The following ANK2 variants were observed in gnomAD, a reference collection of about 807,000 sequenced individuals.
The protein encoded by ANK2 is ankyrin-2.
ANK2 carries 83 observed loss-of-function variants against 360.5 expected under a neutral mutation model. The ratio of observed to expected loss-of-function variants is 0.23; its 90% CI spans 0.19 to 0.28. ANK2 has a LOEUF of 0.28. Among genes scored for constraint, ANK2 ranks in the 10% least tolerant of loss-of-function variants. ANK2 has a pLI of 1.00. For missense variants in ANK2, 4,201 were observed against 4,795.7 expected, an observed-to-expected ratio of 0.88 and a Z score of 3.66; for synonymous variants, 1,740 against 1,759.5, an observed-to-expected ratio of 0.99 and a Z score of 0.28.
intron 22 of ANK2, among the ~76,000 whole-genome samples, chr4:113,300,056 TATA>T (rs1362355415): frequency 2.0e-5 from 3 of 152,170 alleles, no homozygotes; most frequent in South Asian, 2.1e-4. Context: ...AATTAAAATT[TATA>T]ATATTAAAAT....
intron 11 of ANK2, among the ~76,000 whole-genome samples, chr4:113,256,941 A>G (rs2049744605): frequency 6.6e-6 from 1 of 152,260 alleles, no homozygotes; most frequent in South Asian, 2.1e-4. Flanking sequence ...AGCTTATAAA[A>G]TATCACAGCC....
At chr4:113,223,249 T>C (rs1341208792) in intron 4 of ANK2, among the ~76,000 whole-genome samples, 2 of 152,218 alleles carry the variant, frequency 1.3e-5, no homozygotes, top group Admixed American at 6.5e-5. Context: ...CTGGAGTCTG[T>C]GAACATCCTC....
intron 5 of ANK2, among the ~76,000 whole-genome samples, chr4:113,234,219 G>C (rs1328127889): frequency 6.6e-6 from 1 of 152,016 alleles, no homozygotes. Context: ...TTCCCATTTG[G>C]TTCCAAAAAT....
chr4:113,089,826 G>A (rs1232265732), intron 1 of ANK2, among the ~76,000 whole-genome samples: 1 of 139,358 alleles, frequency 7.2e-6, no homozygotes, highest in African/African-American at 2.8e-5. Flanking sequence ...CTCTGTCTCA[G>A]AAAAAATTAA....
Position 113,369,549 on chromosome 4 carries a change from A to G in ANK2, c.11354A>G (p.Gln3785Arg), listed in dbSNP as rs150808807. The G allele has an allele frequency of 5.5e-5, 89 of 1,614,050 alleles. 4 individuals carry two copies. The highest frequency in any genetic ancestry group is 3.3e-4 in the East Asian group (15 of 44,896). Residue 3785 changes from glutamine (Q) to arginine (R), a missense_variant, in exon 43 of 46, where the codon CAG becomes CGG. By Grantham distance (43) the Gln-to-Arg change is conservative. This residue lies in a region of ANK2 where 2,642 missense variants were observed against 2,714.5 expected (regional missense o/e 0.97). Coordinates refer to ENST00000357077, the MANE Select transcript of ANK2 (RefSeq NM_001148.6). ...TTPGTETSET[Q>R]KAMIVPSSPS... Reference sequence around the variant, plus strand: ...CCAGGAACAGAAACATCAGAGACTCAGAAGGCTATGATAGTACCCAGCTCT... The same window carrying G: ...CCAGGAACAGAAACATCAGAGACTCGGAAGGCTATGATAGTACCCAGCTCT...
chr4:113,296,823 A>T (rs1175566546), intron 22 of ANK2, among the ~76,000 whole-genome samples: 1 of 152,216 alleles, frequency 6.6e-6, no homozygotes, highest in Non-Finnish European at 1.5e-5. Flanking sequence ...AAGAACTGTG[A>T]CATATGACTC....
At chr4:113,288,340 G>T in intron 19 of ANK2, 48 bp from the exon 20 acceptor site, 1 of 1,484,276 alleles carries the variant, frequency 6.7e-7, no homozygotes, top group Non-Finnish European at 9.4e-7. Flanking sequence ...CACTAGAGTA[G>T]TAAAGTTTCT....
At chr4:113,182,559 G>T (rs1285780666) in intron 2 of ANK2, among the ~76,000 whole-genome samples, 1 of 152,204 alleles carries the variant, frequency 6.6e-6, no homozygotes, top group East Asian at 1.9e-4. Context: ...GAATGGGAAA[G>T]AGTGTCCAGG....
chr4:113,094,221 C>A (rs1179513339), intron 1 of ANK2, among the ~76,000 whole-genome samples: 4 of 151,784 alleles, frequency 2.6e-5, no homozygotes, highest in Non-Finnish European at 4.4e-5. Context: ...AAATCATATC[C>A]CATTGAAGTG....
chr4:113,108,526 T>C (rs1343729513), intron 1 of ANK2, among the ~76,000 whole-genome samples: 1 of 152,172 alleles, frequency 6.6e-6, no homozygotes, highest in Non-Finnish European at 1.5e-5. Context: ...GGGAGAAGAA[T>C]GTACACATAT....
rs368036068 is a variant in ANK2 at position 113,354,444 on chromosome 4, C to T, written c.5826C>T (p.Ser1942=). Residue 1942 remains serine (S), a synonymous_variant, in exon 38 of 46, where the codon TCC becomes TCT. Coordinates refer to ENST00000357077, the MANE Select transcript of ANK2 (RefSeq NM_001148.6). The stretch of plus-strand genomic sequence containing the variant: ...AAAAACGCTTGCCTGTTTCACCCTC[C>T]GGAAGAACGGACAAGCACCAACCTG... ...RTEKRLPVSP[S]GRTDKHQPVS... is the part of the protein sequence containing the mutation. 3.4e-5 allele frequency: 55 copies of T among 1,613,928 alleles called. No homozygotes were observed. Among genetic ancestry groups the T allele is most frequent in the South Asian group, 9.9e-5 (9 of 91,082 alleles).
upstream of ANK2, among the ~76,000 whole-genome samples, chr4:112,816,133 G>A (rs566272223): frequency 1.9e-4 from 29 of 152,130 alleles, no homozygotes; most frequent in Admixed American, 3.3e-4. Flanking sequence ...TGGTGTCTGC[G>A]TTAACTCTGG....
intron 26 of ANK2, among the ~76,000 whole-genome samples, chr4:113,322,021 C>T (rs187074595): frequency 1.2e-3 from 178 of 152,174 alleles, no homozygotes; most frequent in South Asian, 3.1e-3. Context: ...CGTGAACCAC[C>T]GTGCCCAGCC....
intron 2 of ANK2, among the ~76,000 whole-genome samples, chr4:112,981,323 T>G (rs182500182): frequency 6.6e-6 from 1 of 152,358 alleles, no homozygotes; most frequent in African/African-American, 2.4e-5. Flanking sequence ...CAGAGATTTA[T>G]GTACAGAAAT....
At chr4:112,875,951 C>A (rs1380589841) in intron 1 of ANK2, among the ~76,000 whole-genome samples, 1 of 148,210 alleles carries the variant, frequency 6.7e-6, no homozygotes, top group Non-Finnish European at 1.5e-5. Flanking sequence ...GACAAAGTCT[C>A]GCCATGTTTT....
intron 1 of ANK2, chr4:113,106,859 T>C: frequency 1.9e-6 from 1 of 530,382 alleles, no homozygotes; most frequent in Non-Finnish European, 3.9e-6. Flanking sequence ...GTTTCTGCCC[T>C]TAACTAAAAC....
rs531574502 is a variant in ANK2, at chr4:113,354,554, C to T, written c.5936C>T (p.Ser1979Leu). The T allele has an allele frequency of 2.3e-4, 372 of 1,614,094 alleles. 9 individuals carry two copies. The South Asian group carries it at 3.5e-3, about 15-fold the overall frequency. Residue 1979 changes from serine (S) to leucine (L), a missense_variant, in exon 38 of 46, where the codon TCA (serine) becomes TTA (leucine). By Grantham distance (145) the Ser-to-Leu change is moderately radical. Transcript: ENST00000357077. ...TEKQPPVSPT[S>L]KTERIEETMS... is the part of the protein sequence containing the mutation. ...AAGCAACCACCTGTATCCCCCACTT[C>T]AAAAACAGAGAGGATTGAGGAAACC...
intron 14 of ANK2, among the ~76,000 whole-genome samples, chr4:113,271,167 C>T (rs907868321): frequency 3.3e-5 from 5 of 152,228 alleles, no homozygotes; most frequent in African/African-American, 1.2e-4. Flanking sequence ...GTAAAGAGAG[C>T]CCCTCTTCCT....
intron 1 of ANK2, chr4:112,882,099 G>C: frequency 3.1e-6 from 1 of 323,476 alleles, no homozygotes. Flanking sequence ...GCCCTCCCAT[G>C]AAGAGCTTCC....
Sources: allele counts gnomAD v4.1 joint callset (sites outside exome capture counted in the v4.1 genomes callset), GRCh38; gene constraint gnomAD v4.1.1; regional missense constraint gnomAD v4.1.1; transcripts MANE v1.5; gene names NCBI Gene and HGNC (gene_info 2026-07-23, HGNC 2026-07-21).